Variants in KIF3C observed in about 807,000 individuals in gnomAD.
KIF3C encodes the protein kinesin-like protein KIF3C.
A neutral mutation model predicts 67.7 loss-of-function variants in KIF3C; 12 were observed. The ratio of observed to expected loss-of-function variants is 0.18; its 90% CI spans 0.11 to 0.29. KIF3C has a LOEUF of 0.29. Ranked by LOEUF, KIF3C falls within the 10% of genes least tolerant of loss-of-function variation. The pLI is 1.00. For missense variants in KIF3C, 789 were observed against 1,059.6 expected (o/e 0.74, Z 3.55); for synonymous variants, 393 against 426.2 (o/e 0.92, Z 0.96).
At chr2:25,954,800 A>G in intron 3 of KIF3C, among the ~76,000 whole-genome samples, 1 of 152,236 alleles carries the variant, frequency 6.6e-6, no homozygotes, top group Non-Finnish European at 1.5e-5. Context: ...CTCAGGAAGC[A>G]GGAAGCCTGA....
intron 5 of KIF3C, among the ~76,000 whole-genome samples, chr2:25,950,094 G>A (rs563871563): frequency 2.0e-5 from 3 of 151,764 alleles, no homozygotes; most frequent in African/African-American, 4.8e-5. Flanking sequence ...GTTTCACCAC[G>A]TTGGCCAGGC....
intron 4 of KIF3C, among the ~76,000 whole-genome samples, chr2:25,952,525 ATGTGTGTG>A (rs35756626): frequency 0.084 from 12,057 of 144,242 alleles, 600 homozygotes; most frequent in African/African-American, 0.12. Flanking sequence ...TTGTATATAT[ATGTGTGTG>A]TGTGTGTGTG....
intron 2 of KIF3C, among the ~76,000 whole-genome samples, chr2:25,956,003 A>G (rs1275078902): frequency 2.0e-5 from 3 of 152,216 alleles, no homozygotes. Flanking sequence ...TTGATTGGTA[A>G]GACCAACAAA....
chr2:25,961,965 ACT>A (rs994944783), intron 1 of KIF3C, among the ~76,000 whole-genome samples: 3 of 149,666 alleles, frequency 2.0e-5, no homozygotes, highest in African/African-American at 7.4e-5. Flanking sequence ...AAAAAAAAAG[ACT>A]CTGTTCTGAA....
chr2:25,965,334 T>C (rs1443393021), intron 1 of KIF3C, among the ~76,000 whole-genome samples: 1 of 152,186 alleles, frequency 6.6e-6, no homozygotes, highest in Non-Finnish European at 1.5e-5. Context: ...AGCTGTCTGC[T>C]TCACTCCCAT....
rs1664611796 is a variant in KIF3C, at chr2:25,982,049, C to T, written c.-132G>A. ...AGCTCTTCAATCCGCATGCAGCCTC[C>T]TAGGGTGGGGACGCTGGGAGGTGGC... is the stretch of plus-strand genomic sequence containing the variant. On this transcript the variant is annotated 5_prime_UTR_variant, in exon 1 of 8. Coordinates refer to ENST00000264712, the MANE Select transcript of KIF3C (RefSeq NM_002254.8). 5 of 694,180 alleles carry T rather than the reference C, an allele frequency of 7.2e-6. No homozygotes were observed. The highest frequency in any genetic ancestry group is 1.2e-5 in the Non-Finnish European group (5 of 430,170). 43.0% of individuals were successfully genotyped at this position (694,180 alleles called of 1,614,324 possible).
intron 5 of KIF3C, among the ~76,000 whole-genome samples, chr2:25,941,926 A>T (rs1478486468): frequency 6.6e-6 from 1 of 152,082 alleles, no homozygotes; most frequent in Non-Finnish European, 1.5e-5. Context: ...GGTCCCAGCT[A>T]CTCAGGGGGC....
chr2:25,978,907 T>C (rs752820375), intron 1 of KIF3C, among the ~76,000 whole-genome samples: 6 of 152,110 alleles, frequency 3.9e-5, no homozygotes, highest in Non-Finnish European at 7.4e-5. Context: ...CCCCTGATCC[T>C]TTCCTTGAGG....
In KIF3C at chr2:25,928,861, A is replaced by ACACACG. The variant is rs927285743; in HGVS notation, c.*111_*116dup. The ACACACG allele has an allele frequency of 5.2e-6, 4 of 775,122 alleles. No homozygotes were observed. The highest frequency in any genetic ancestry group is 3.3e-5 in the South Asian group (2 of 60,064). The allele number at this position is 775,122 out of a possible 1,614,324, so 48.0% of individuals were successfully genotyped here. On this transcript the variant is annotated 3_prime_UTR_variant, in exon 8 of 8. Coordinates refer to ENST00000264712, the MANE Select transcript of KIF3C (RefSeq NM_002254.8). ...CCATCTGCCAGATTCTCACCCCTGC[A>ACACACG]CACACGCACACGCACATGCACGCAC...
intron 5 of KIF3C, among the ~76,000 whole-genome samples, chr2:25,937,076 C>A (rs542995107): frequency 6.6e-6 from 1 of 152,220 alleles, no homozygotes; most frequent in African/African-American, 2.4e-5. Flanking sequence ...ACACCTGCCA[C>A]AGGGCTTAAC....
At chr2:25,945,656 G>A (rs1378649329) in intron 5 of KIF3C, among the ~76,000 whole-genome samples, 2 of 151,814 alleles carry the variant, frequency 1.3e-5, no homozygotes, top group Admixed American at 1.3e-4. Flanking sequence ...GGGAAGCTGA[G>A]GTGGGAGGAT....
chr2:25,961,344 C>T (rs1196780421), intron 1 of KIF3C, among the ~76,000 whole-genome samples: 2 of 152,212 alleles, frequency 1.3e-5, no homozygotes, highest in African/African-American at 4.8e-5. Context: ...CAGGACTAAT[C>T]TCTGAAGCTG....
At chr2:25,967,545 G>A (rs758374324) in intron 1 of KIF3C, among the ~76,000 whole-genome samples, 3 of 152,208 alleles carry the variant, frequency 2.0e-5, no homozygotes, top group African/African-American at 7.2e-5. Context: ...AGAGGCTCAC[G>A]CCTGTAATCC....
rs1462148491 is a variant in KIF3C, at chr2:25,927,970, T to C, written c.*1008A>G. 6.6e-6 allele frequency: 1 copy of C among 152,606 alleles called. No homozygotes were observed. The highest frequency in any genetic ancestry group is 1.5e-5 in the Non-Finnish European group (1 of 68,046). 9.5% of individuals were successfully genotyped at this position (152,606 alleles called of 1,614,324 possible). On this transcript the variant is annotated 3_prime_UTR_variant, in exon 8 of 8. Transcript: ENST00000264712. Reference sequence around the variant, plus strand: ...GGTAACAGGCAAAGCTGGAAAAGATTGTGCCTGGGCTTCTGTTTCCTGTGA... The same window carrying C: ...GGTAACAGGCAAAGCTGGAAAAGATCGTGCCTGGGCTTCTGTTTCCTGTGA...
intron 1 of KIF3C, among the ~76,000 whole-genome samples, chr2:25,978,696 AGT>A (rs1247598678): frequency 6.6e-6 from 1 of 152,056 alleles, no homozygotes; most frequent in Non-Finnish European, 1.5e-5. Flanking sequence ...AGGCAGCCGA[AGT>A]GTGTTATTGC....
Position 25,954,402 on chromosome 2 carries a change from G to A in KIF3C, c.1771-17C>T, listed in dbSNP as rs769188006. 2 of 1,592,304 alleles carry A rather than the reference G, an allele frequency of 1.3e-6. No homozygotes were observed. The highest frequency in any genetic ancestry group is 2.2e-5 in the South Asian group (2 of 90,552). Reference sequence around the variant, plus strand: ...GGCGTAGAGCTGGGTGGGGACAGGTGCCACTCAGAGGCTGCTTGGTGTGGC... The same window carrying A: ...GGCGTAGAGCTGGGTGGGGACAGGTACCACTCAGAGGCTGCTTGGTGTGGC... On this transcript the variant is annotated splice_polypyrimidine_tract_variant and intron_variant, in intron 3 of 7. Coordinates refer to ENST00000264712, the MANE Select transcript of KIF3C (RefSeq NM_002254.8).
chr2:25,970,366 G>A (rs1664246601), intron 1 of KIF3C, among the ~76,000 whole-genome samples: 2 of 151,894 alleles, frequency 1.3e-5, no homozygotes, highest in Admixed American at 1.3e-4. Flanking sequence ...TACACATAAA[G>A]AACACATCAG....
chr2:25,954,154 C>G, intron 4 of KIF3C, 113 bp downstream of exon 4: 1 of 784,606 alleles, frequency 1.3e-6, no homozygotes, highest in African/African-American at 1.7e-5. Flanking sequence ...GCATTTTATT[C>G]CTAAAGGACT....
intron 1 of KIF3C, among the ~76,000 whole-genome samples, chr2:25,974,259 G>A (rs1005111771): frequency 6.6e-6 from 1 of 152,014 alleles, no homozygotes; most frequent in Non-Finnish European, 1.5e-5. Flanking sequence ...TAGTAGAGAC[G>A]GGGTTTCACC....
Sources: gnomAD v4.1 joint callset for allele counts (sites outside exome capture counted in the v4.1 genomes callset) on GRCh38, gnomAD v4.1.1 for gene constraint, MANE v1.5 for transcripts, NCBI Gene and HGNC (gene_info 2026-07-23, HGNC 2026-07-21) for gene names.